MDH1: variants seen among roughly 807,000 people sequenced by gnomAD.
MDH1 encodes malate dehydrogenase 1.
MDH1 carries 15 observed loss-of-function variants against 38.7 expected under a neutral mutation model. The observed-to-expected ratio is 0.39, with a 90% CI of 0.26 to 0.60. The LOEUF is 0.60. Ranked by LOEUF, MDH1 falls within the 20% of genes least tolerant of loss-of-function variation. The pLI, the probability that MDH1 is intolerant of heterozygous loss-of-function variation, is 0.56. For synonymous variants in MDH1, 144 were observed against 143.6 expected (o/e 1.00, Z -0.02); for missense variants, 368 against 405.2 (o/e 0.91, Z 0.79).
rs1222124641 is a variant in MDH1 at position 63,601,341 on chromosome 2, C to G, written c.498+2049C>G. ...TTCAGAGGCCTTAGCGACTTAGGGA[C>G]TGTTTAACACCTGCAGAACTTGCCT... On this transcript the variant is annotated intron_variant, in intron 5 of 8. Transcript: ENST00000233114. Among the ~76,000 whole-genome samples the G allele has an allele frequency of 2.0e-5, 3 of 152,336 alleles. No homozygotes were observed. In the East Asian group the frequency reaches 5.8e-4, roughly 29 times the overall value.
Position 63,596,446 on chromosome 2 carries a change from G to T in MDH1, c.199+927G>T, listed in dbSNP as rs552254002. Among the ~76,000 whole-genome samples, 237 of 152,262 alleles carry T rather than the reference G, an allele frequency of 1.6e-3. 1 individual carries two copies. The highest frequency in any genetic ancestry group is 5.1e-3 in the African/African-American group (210 of 41,552). ...CCACAGCTCTTTCCAAATCAGCTTT[G>T]CTGCTTTTTCCCATTTGTATTCCTT... On this transcript the variant is annotated intron_variant, in intron 3 of 8. Coordinates refer to ENST00000233114, the MANE Select transcript of MDH1 (RefSeq NM_005917.4).
intron 5 of MDH1, chr2:63,599,718 TC>T (rs1283517572): frequency 6.6e-6 from 1 of 152,266 alleles, no homozygotes; most frequent in Non-Finnish European, 1.5e-5. Context: ...GCCATCAAAT[TC>T]AGATTTTAAT....
Position 63,604,786 on chromosome 2 carries a change from C to T in MDH1, c.589C>T (p.His197Tyr). Residue 197 changes from histidine to tyrosine, a missense_variant, in exon 6 of 9, where the codon CAT becomes TAT. Transcript: ENST00000233114. ...CTCGACTCAGTATCCAGATGTCAAC[C>T]ATGCCAAGGTGAAATTGCAAGGAAA... ...HSSTQYPDVN[H>Y]AKVKLQGKEV... 6.2e-7 allele frequency: 1 copy of T among 1,614,124 alleles called. No homozygotes were observed. Among genetic ancestry groups the T allele is most frequent in the Non-Finnish European group, 8.5e-7 (1 of 1,179,992 alleles).
At chr2:63,604,644 T>A in intron 5 of MDH1, 52 bp from the exon 6 acceptor site, 1 of 1,459,358 alleles carries the variant, frequency 6.9e-7, no homozygotes, top group South Asian at 1.3e-5. Context: ...AGGTCCCAAT[T>A]GGAAATAAAA....
intron 8 of MDH1, 111 bp from the exon 9 acceptor site, chr2:63,606,751 T>C: frequency 1.6e-6 from 1 of 639,904 alleles, no homozygotes; most frequent in South Asian, 4.4e-5. Flanking sequence ...TTATTTACTT[T>C]AGAATCAGAC....
At chr2:63,598,131 T>A (rs1275230811) in intron 4 of MDH1, 2 of 152,104 alleles carry the variant, frequency 1.3e-5, no homozygotes, top group Admixed American at 1.3e-4. Flanking sequence ...TTTTTATTAA[T>A]TTTTTTAATT....
chr2:63,606,043 A>G lies in MDH1; in HGVS notation c.879+15A>G. On this transcript the variant is annotated intron_variant, in intron 8 of 8. Transcript: ENST00000233114. Reference sequence around the variant, plus strand: ...TTGTAATCAAGGTAAGGTATTTTGGAGCTATTTCCCTTCTTTGAGGAAGTA... The same window carrying G: ...TTGTAATCAAGGTAAGGTATTTTGGGGCTATTTCCCTTCTTTGAGGAAGTA... 1.2e-6 allele frequency: 2 copies of G among 1,601,094 alleles called. No homozygotes were observed. The highest frequency in any genetic ancestry group is 1.7e-6 in the Non-Finnish European group (2 of 1,168,260).
chr2:63,592,605 C>T (rs1024773867), intron 1 of MDH1, among the ~76,000 whole-genome samples: 5 of 152,228 alleles, frequency 3.3e-5, no homozygotes, highest in East Asian at 1.9e-4. Flanking sequence ...CTTGTCCCCC[C>T]GCGCAATGCG....
At chr2:63,592,162 A>G (rs1224058968) in intron 1 of MDH1, among the ~76,000 whole-genome samples, 1 of 152,186 alleles carries the variant, frequency 6.6e-6, no homozygotes, top group Non-Finnish European at 1.5e-5. Context: ...CATGATAGGA[A>G]CTTAATGATG....
intron 5 of MDH1, among the ~76,000 whole-genome samples, chr2:63,600,542 C>T (rs1333529354): frequency 2.6e-5 from 4 of 152,138 alleles, no homozygotes; most frequent in Non-Finnish European, 5.9e-5. Flanking sequence ...TCAGAGAGTT[C>T]TTATGAGGAT....
At chr2:63,589,733 T>C (rs1303581453) in intron 1 of MDH1, among the ~76,000 whole-genome samples, 2 of 152,302 alleles carry the variant, frequency 1.3e-5, no homozygotes, top group South Asian at 4.1e-4. Context: ...CATTTTGTCA[T>C]GGAAGACCTG....
At chr2:63,606,190 G>A (rs1000315793) in intron 8 of MDH1, among the ~76,000 whole-genome samples, 162 bp downstream of exon 8, 24 of 152,182 alleles carry the variant, frequency 1.6e-4, no homozygotes, top group Middle Eastern at 3.4e-3. Flanking sequence ...AAGACCAGCC[G>A]GGGCAACATA....
rs554236387 is a variant in MDH1 at position 63,599,079 on chromosome 2, C to A, written c.376-91C>A. On this transcript the variant is annotated intron_variant, in intron 4 of 8. Transcript: ENST00000233114. ...TTCCCAAGCCTCCCCTGTACAAAGG[C>A]TACCTGTTAGACATTTTCAGTCAAA... 43 of 1,341,322 alleles carry A rather than the reference C, an allele frequency of 3.2e-5. No homozygotes were observed. The East Asian group carries it at 1.0e-3, about 32-fold the overall frequency. The allele number at this position is 1,341,322 out of a possible 1,614,324, so 83.1% of individuals were successfully genotyped here.
intron 1 of MDH1, among the ~76,000 whole-genome samples, chr2:63,591,794 T>C (rs1243779170): frequency 6.6e-6 from 1 of 152,244 alleles, no homozygotes; most frequent in Non-Finnish European, 1.5e-5. Context: ...TATTAAAGTC[T>C]TTAGAGGAAA....
Position 63,603,818 on chromosome 2 carries a change from C to T in MDH1, c.499-878C>T, listed in dbSNP as rs757049764. On this transcript the variant is annotated intron_variant, in intron 5 of 8. Transcript: ENST00000233114. ...GATTACAGACATGTGCCACCAAGCC[C>T]GGCTAACTTTGTATTTTTAGTAGAG... Among the ~76,000 whole-genome samples, 7 of 152,074 alleles carry T rather than the reference C, an allele frequency of 4.6e-5. No individual in the cohort carries two copies. The East Asian group carries it at 5.8e-4, about 13-fold the overall frequency.
At chr2:63,600,200 G>C (rs927243952) in intron 5 of MDH1, 1 of 152,192 alleles carries the variant, frequency 6.6e-6, no homozygotes, top group African/African-American at 2.4e-5. Context: ...TTCAGCTCTG[G>C]AATGCCTAGT....
chr2:63,589,474 T>C, intron 1 of MDH1: 1 of 1,306,700 alleles, frequency 7.7e-7, no homozygotes, highest in Non-Finnish European at 1.1e-6. Context: ...ACAGGGACCT[T>C]GAAAGCAAAA....
chr2:63,598,473 T>C (rs1709359258), intron 4 of MDH1, among the ~76,000 whole-genome samples: 1 of 152,164 alleles, frequency 6.6e-6, no homozygotes. Flanking sequence ...AGAACTTAAT[T>C]GTCACCCAGC....
At position 63,607,047 on chromosome 2, in the gene MDH1, C is replaced by G; in HGVS notation, c.*60C>G. The G allele has an allele frequency of 6.7e-7, 1 of 1,483,394 alleles. No homozygotes were observed. The highest frequency in any genetic ancestry group is 1.3e-5 in the South Asian group (1 of 78,132). 91.9% of individuals were successfully genotyped at this position (1,483,394 alleles called of 1,614,324 possible). On this transcript the variant is annotated 3_prime_UTR_variant, in exon 9 of 9. Coordinates refer to ENST00000233114, the MANE Select transcript of MDH1 (RefSeq NM_005917.4). The stretch of plus-strand genomic sequence containing the variant: ...AAGAATCTAAATGTCGTCTTTGACT[C>G]AAGTACCAAATAATAATAATGCTAT...
Sources: gnomAD v4.1 joint callset for allele counts (sites outside exome capture counted in the v4.1 genomes callset) on GRCh38, gnomAD v4.1.1 for gene constraint, MANE v1.5 for transcripts, NCBI Gene and HGNC (gene_info 2026-07-23, HGNC 2026-07-21) for gene names.